UBE2J1: variants seen among roughly 807,000 people sequenced by gnomAD.
UBE2J1 encodes ubiquitin conjugating enzyme E2 J1, also known as ubiquitin-conjugating enzyme E2 J1.
A neutral mutation model predicts 42.1 loss-of-function variants in UBE2J1; 17 were observed. The ratio of observed to expected loss-of-function variants is 0.40; its 90% CI spans 0.28 to 0.61. The LOEUF (loss-of-function observed/expected upper bound fraction) is 0.61, where lower values mean the gene tolerates loss of function less well. Ranked by LOEUF, UBE2J1 falls within the 20% of genes least tolerant of loss-of-function variation. The pLI, the probability that UBE2J1 is intolerant of heterozygous loss-of-function variation, is 0.38. For missense variants in UBE2J1, 291 were observed against 389.4 expected (o/e 0.75, Z 2.13); for synonymous variants, 127 against 137.2 (o/e 0.93, Z 0.52).
chr6:89,330,155 C>T (rs940887162), intron 7 of UBE2J1, among the ~76,000 whole-genome samples, 198 bp from the exon 8 acceptor site: 9 of 152,066 alleles, frequency 5.9e-5, no homozygotes, highest in Non-Finnish European at 1.3e-4. Context: ...GTTAGGACAG[C>T]TTTTTGGCCT....
intron 3 of UBE2J1, among the ~76,000 whole-genome samples, chr6:89,341,410 A>G (rs1050471963): frequency 1.3e-5 from 2 of 152,238 alleles, no homozygotes; most frequent in Non-Finnish European, 2.9e-5. Context: ...AAATGAGAGA[A>G]GAAAAGCTTA....
intron 3 of UBE2J1, among the ~76,000 whole-genome samples, chr6:89,341,099 C>A (rs1768239532): frequency 6.6e-6 from 1 of 152,166 alleles, no homozygotes; most frequent in Non-Finnish European, 1.5e-5. Flanking sequence ...TTGATGAATA[C>A]CTGTTGTTTC....
At position 89,327,952 on chromosome 6, in the gene UBE2J1, G is replaced by T. The variant is rs901900869; in HGVS notation, c.*1727C>A. The T allele has an allele frequency of 1.1e-4, 17 of 152,156 alleles. No homozygotes were observed. Among genetic ancestry groups the T allele is most frequent in the African/African-American group, 4.1e-4 (17 of 41,438 alleles). 9.4% of individuals were successfully genotyped at this position (152,156 alleles called of 1,614,324 possible). A position where few individuals can be genotyped will look rare whatever the true frequency, so the allele number is the denominator to read the frequency against. On this transcript the variant is annotated 3_prime_UTR_variant, in exon 8 of 8. Transcript: ENST00000435041. Reference sequence around the variant, plus strand: ...AGATTTTAGAGTGTATTTTCTTATGGCAATAGAGTTATAAAATGGTAACCT... The same window carrying T: ...AGATTTTAGAGTGTATTTTCTTATGTCAATAGAGTTATAAAATGGTAACCT...
At chr6:89,340,880 A>T (rs1484988405) in intron 3 of UBE2J1, among the ~76,000 whole-genome samples, 19 of 150,780 alleles carry the variant, frequency 1.3e-4, no homozygotes, top group Non-Finnish European at 8.9e-5. Context: ...GGTTCACGCC[A>T]TTCTCCTGCC....
Position 89,333,155 on chromosome 6 carries a change from G to A in UBE2J1, c.609C>T (p.His203=). 6.2e-7 allele frequency: 1 copy of A among 1,613,438 alleles called. No individual in the cohort carries two copies. The change falls in exon 7 of 8, where the codon CAC becomes CAT. Residue 203 remains histidine, a synonymous_variant. Transcript: ENST00000435041. ...CTTGTAAATCAGTTAGTGAAAAAGA[G>A]TGGTTTAAGTCTGACTCAGAGATAG... ...GKTISESDLN[H]SFSLTDLQDD...
intron 3 of UBE2J1, among the ~76,000 whole-genome samples, chr6:89,341,347 GTGTT>G (rs1441452491): frequency 6.6e-6 from 1 of 152,180 alleles, no homozygotes; most frequent in East Asian, 1.9e-4. Flanking sequence ...AATGGTTTTT[GTGTT>G]TGTTTTTGCT....
chr6:89,335,530 G>C, intron 5 of UBE2J1, 99 bp from the exon 6 acceptor site: 1 of 844,122 alleles, frequency 1.2e-6, no homozygotes, highest in Non-Finnish European at 1.7e-6. Context: ...TTAAAAGAAA[G>C]GAACACTGGA....
Position 89,333,167 on chromosome 6 carries a change from T to G in UBE2J1, c.597A>C (p.Ser199=), listed in dbSNP as rs1350802992. Reference sequence around the variant, plus strand: ...TTAGTGAAAAAGAGTGGTTTAAGTCTGACTCAGAGATAGTCTTTCCAGATG... The same window carrying G: ...TTAGTGAAAAAGAGTGGTTTAAGTCGGACTCAGAGATAGTCTTTCCAGATG... ...VNSSGKTISE[S]DLNHSFSLTD... The change falls in exon 7 of 8, where the codon TCA becomes TCC. Residue 199 remains serine (S), a synonymous_variant. Coordinates refer to ENST00000435041, the MANE Select transcript of UBE2J1 (RefSeq NM_016021.3). 6.2e-7 allele frequency: 1 copy of G among 1,613,000 alleles called. No individual in the cohort carries two copies.
At chr6:89,343,639 T>G in intron 2 of UBE2J1, 44 bp downstream of exon 2, 3 of 1,481,730 alleles carry the variant, frequency 2.0e-6, no homozygotes, top group Non-Finnish European at 1.8e-6. Flanking sequence ...AAATTTGTTT[T>G]AAATATTAAA....
chr6:89,352,574 G>A lies in UBE2J1; in HGVS notation c.-5C>T, dbSNP rs779818579. The A allele has an allele frequency of 6.4e-7, 1 of 1,567,280 alleles. No individual in the cohort carries two copies. Among genetic ancestry groups the A allele is most frequent in the Non-Finnish European group, 8.6e-7 (1 of 1,163,676 alleles). On this transcript the variant is annotated 5_prime_UTR_variant, in exon 1 of 8. Transcript: ENST00000435041. ...CAGGTTGTAGCGGGTCTCCATGGTG[G>A]GTCGCTGGCTTGGCTCCGGCCTCCC...
Position 89,329,793 on chromosome 6 carries a change from G to A in UBE2J1, c.843C>T (p.His281=), listed in dbSNP as rs750683180. Residue 281 remains histidine, a synonymous_variant, in exon 8 of 8, where the codon CAC becomes CAT. Transcript: ENST00000435041. The stretch of plus-strand genomic sequence containing the variant: ...GTACAGCTGACCCACCATGATCAGT[G>A]TGGTTGTCTCTTGGCTGGTGGCCCT... ...VIQGHQPRDN[H]TDHGGSAVLI... 3.1e-6 allele frequency: 5 copies of A among 1,614,126 alleles called. No homozygotes were observed. Among genetic ancestry groups the A allele is most frequent in the Middle Eastern group, 3.3e-4 (2 of 6,062 alleles).
chr6:89,342,722 T>A (rs1425103866), intron 2 of UBE2J1, among the ~76,000 whole-genome samples: 2 of 152,166 alleles, frequency 1.3e-5, no homozygotes, highest in African/African-American at 4.8e-5. Context: ...TATATATTCA[T>A]AAGTAACTTA....
chr6:89,343,978 G>GT (rs1293370298), intron 1 of UBE2J1, among the ~76,000 whole-genome samples: 1 of 151,892 alleles, frequency 6.6e-6, no homozygotes, highest in Non-Finnish European at 1.5e-5. Flanking sequence ...ATATAGTGAA[G>GT]ACACTATTTT....
In UBE2J1 at chr6:89,333,140, A is replaced by G. The variant is rs1274856647; in HGVS notation, c.624T>C (p.Thr208=). Residue 208 remains threonine, a synonymous_variant, in exon 7 of 8, where the codon ACT becomes ACC. Transcript: ENST00000435041. ...ESDLNHSFSL[T]DLQDDIPTTF... is the part of the protein sequence containing the mutation. ...TTGTAGGTATATCATCTTGTAAATC[A>G]GTTAGTGAAAAAGAGTGGTTTAAGT... 3 of 1,613,326 alleles carry G rather than the reference A, an allele frequency of 1.9e-6. No homozygotes were observed. The African/African-American group carries it at 4.0e-5, about 22-fold the overall frequency.
intron 1 of UBE2J1, among the ~76,000 whole-genome samples, chr6:89,348,428 T>C (rs1768404056): frequency 6.6e-6 from 1 of 152,182 alleles, no homozygotes; most frequent in Admixed American, 6.5e-5. Flanking sequence ...CATATATGGA[T>C]TCCTCTTCAA....
intron 1 of UBE2J1, among the ~76,000 whole-genome samples, chr6:89,350,650 T>C (rs1768457337): frequency 6.6e-6 from 1 of 152,100 alleles, no homozygotes; most frequent in Non-Finnish European, 1.5e-5. Flanking sequence ...AAGGAAGCAA[T>C]TTATGACACA....
In UBE2J1 at chr6:89,327,014, T is replaced by C. The variant is rs146763074; in HGVS notation, c.*2665A>G. The stretch of plus-strand genomic sequence containing the variant: ...CAAAATAGGAAATTTTGTATTCCTA[T>C]AGTCAAAACAATAAACAATTTTTGA... On this transcript the variant is annotated 3_prime_UTR_variant, in exon 8 of 8. Transcript: ENST00000435041. 7.2e-4 allele frequency: 110 copies of C among 152,744 alleles called. 1 individual carries two copies. Among genetic ancestry groups the C allele is most frequent in the African/African-American group, 2.6e-3 (108 of 41,564 alleles). The allele number at this position is 152,744 out of a possible 1,614,324, so 9.5% of individuals were successfully genotyped here. A position where few individuals can be genotyped will look rare whatever the true frequency, so the allele number is the denominator to read the frequency against.
intron 3 of UBE2J1, among the ~76,000 whole-genome samples, chr6:89,338,839 G>A (rs915094754): frequency 1.3e-5 from 2 of 151,690 alleles, no homozygotes; most frequent in Non-Finnish European, 1.5e-5. Flanking sequence ...CTAATGTTTT[G>A]TATTTTTAGT....
chr6:89,340,925 G>A (rs1220405805), intron 3 of UBE2J1, among the ~76,000 whole-genome samples: 5 of 151,408 alleles, frequency 3.3e-5, no homozygotes, highest in African/African-American at 1.2e-4. Context: ...ACAGGCGCCC[G>A]CCACCGCGCC....
Sources: allele counts gnomAD v4.1 joint callset (sites outside exome capture counted in the v4.1 genomes callset), GRCh38; gene constraint gnomAD v4.1.1; transcripts MANE v1.5; gene names NCBI Gene and HGNC (gene_info 2026-07-23, HGNC 2026-07-21).